Variants in EZR observed in about 807,000 individuals in gnomAD.
The protein encoded by EZR is cytovillin 2.
A neutral mutation model predicts 74.8 loss-of-function variants in EZR; 40 were observed. The observed-to-expected ratio is 0.53, with a 90% CI of 0.42 to 0.70. EZR has a LOEUF of 0.70. EZR is among the 30% of genes least tolerant of loss of function. EZR has a pLI of 0.00. For missense variants in EZR, 678 were observed against 755.8 expected (o/e 0.90, Z 1.21); for synonymous variants, 341 against 283.3 (o/e 1.20, Z -2.05).
At chr6:158,785,824 T>C (rs1791564897) in intron 4 of EZR, among the ~76,000 whole-genome samples, 1 of 151,322 alleles carries the variant, frequency 6.6e-6, no homozygotes. Flanking sequence ...GGCAGGAGGA[T>C]CACTTGAGCC....
intron 8 of EZR, among the ~76,000 whole-genome samples, chr6:158,773,193 T>A (rs1791172500): frequency 6.6e-6 from 1 of 151,816 alleles, no homozygotes; most frequent in South Asian, 2.1e-4. Flanking sequence ...GTTGTGGGGG[T>A]GCATGGGTGG....
chr6:158,811,803 GC>G (rs1311220516), intron 2 of EZR, among the ~76,000 whole-genome samples: 1 of 151,914 alleles, frequency 6.6e-6, no homozygotes, highest in Non-Finnish European at 1.5e-5. Flanking sequence ...GGGGGCCGGG[GC>G]ACTGAGGCTG....
At chr6:158,789,634 CTT>C (rs398066434) in intron 2 of EZR, 41 of 132,148 alleles carry the variant, frequency 3.1e-4, no homozygotes, top group Admixed American at 1.4e-3. Flanking sequence ...TTTCTCTTTT[CTT>C]TGAGACAGGC....
intron 2 of EZR, among the ~76,000 whole-genome samples, chr6:158,801,365 G>C (rs1419214909): frequency 6.6e-6 from 1 of 152,112 alleles, no homozygotes; most frequent in East Asian, 1.9e-4. Context: ...GGGATTACAG[G>C]CATGAGAACC....
intron 7 of EZR, among the ~76,000 whole-genome samples, chr6:158,779,088 TTAAC>T (rs1460627300): frequency 1.3e-5 from 2 of 152,190 alleles, no homozygotes; most frequent in South Asian, 2.1e-4. Flanking sequence ...AGACACCACC[TTAAC>T]TAATAATCAA....
rs371263455 is a variant in EZR, at chr6:158,785,451, C to T, written c.325G>A (p.Gly109Arg). 6.2e-7 allele frequency: 1 copy of T among 1,614,216 alleles called. No individual in the cohort carries two copies. ...CAGTAGATCTCATCGCTAAGGATTC[C>T]TTCCTTCACTTGGAGGAAGAAAAGT... ...QKLFFLQVKEGILSDEIYCPP... is the reference protein window; with the variant it reads ...QKLFFLQVKERILSDEIYCPP... The change falls in exon 5 of 14, where the codon GGA becomes AGA. Residue 109 changes from glycine (G) to arginine (R), a missense_variant. By Grantham distance (125) the Gly-to-Arg change is moderately radical. Around this residue, in one of 3 missense-constraint regions of EZR, gnomAD observed 217 missense variants for 232.2 expected, o/e 0.93. Coordinates refer to ENST00000367075, the MANE Select transcript of EZR (RefSeq NM_001111077.2).
At chr6:158,789,243 G>GTTTTTTT in intron 3 of EZR, 45 bp downstream of exon 3, 1 of 1,435,870 alleles carries the variant, frequency 7.0e-7, no homozygotes, top group Non-Finnish European at 9.7e-7. Context: ...TTGCAAAACA[G>GTTTTTTT]TTTTTTTTTG....
rs761522478 is a variant in EZR, at chr6:158,769,381, A to G, written c.1289T>C (p.Leu430Pro). The G allele has an allele frequency of 1.2e-6, 2 of 1,609,024 alleles. No homozygotes were observed. Among genetic ancestry groups the G allele is most frequent in the Non-Finnish European group, 1.7e-6 (2 of 1,180,010 alleles). Residue 430 changes from leucine to proline, a missense_variant, in exon 12 of 14, where the codon CTC becomes CCC. Around this residue, in one of 3 missense-constraint regions of EZR, gnomAD observed 342 missense variants for 341.2 expected, o/e 1.00. Coordinates refer to ENST00000367075, the MANE Select transcript of EZR (RefSeq NM_001111077.2). ...CTTGCGCCTCCGCGCCTCTTCCAGG[A>G]GGGCAATCTTGGCAGTGTATTCTGC... The part of the protein sequence containing the change: ...ELAEYTAKIA[L>P]LEEARRRKED...
rs951325220 is a variant in EZR at position 158,766,001 on chromosome 6, A to G, written c.*913T>C. 11 of 152,596 alleles carry G rather than the reference A, an allele frequency of 7.2e-5. No homozygotes were observed. The highest frequency in any genetic ancestry group is 2.7e-4 in the African/African-American group (11 of 41,424). 9.5% of individuals were successfully genotyped at this position (152,596 alleles called of 1,614,324 possible). On this transcript the variant is annotated 3_prime_UTR_variant, in exon 14 of 14. Transcript: ENST00000367075. ...GGCATGTGTGAATCTGACAAAATTA[A>G]AAGTGTGCATAGTCCATTACATGCA...
Position 158,818,022 on chromosome 6 carries a change from T to A in EZR, c.12+60A>T, listed in dbSNP as rs369408948. ...GAACTGCCCCAACACCTCGAGCAGG[T>A]GCCTCCCCTCTCCAATGAAGCCTCT... On this transcript the variant is annotated intron_variant, in intron 2 of 13. Transcript: ENST00000367075. 4 of 1,566,928 alleles carry A rather than the reference T, an allele frequency of 2.6e-6. No individual in the cohort carries two copies. In the Admixed American group the frequency reaches 5.2e-5, roughly 20 times the overall value.
At chr6:158,815,927 T>C (rs1366006004) in intron 2 of EZR, among the ~76,000 whole-genome samples, 1 of 152,248 alleles carries the variant, frequency 6.6e-6, no homozygotes, top group Non-Finnish European at 1.5e-5. Flanking sequence ...AAACATCTTT[T>C]AAGTTCTGAT....
chr6:158,817,527 T>C (rs1382843771), intron 2 of EZR, among the ~76,000 whole-genome samples: 4 of 152,254 alleles, frequency 2.6e-5, no homozygotes. Context: ...ACAGAAATTC[T>C]GCTGCAGCCA....
chr6:158,795,161 A>AG (rs1281400836), intron 2 of EZR, among the ~76,000 whole-genome samples: 1 of 152,206 alleles, frequency 6.6e-6, no homozygotes, highest in Non-Finnish European at 1.5e-5. Context: ...CTGAGGAGAG[A>AG]GAATCGCTTG....
intron 6 of EZR, among the ~76,000 whole-genome samples, chr6:158,783,894 C>A (rs1011631862): frequency 6.6e-6 from 1 of 152,232 alleles, no homozygotes; most frequent in East Asian, 1.9e-4. Flanking sequence ...GCCTCACCAC[C>A]AAACCCCACA....
At chr6:158,790,262 A>G (rs188728359) in intron 2 of EZR, among the ~76,000 whole-genome samples, 44 of 152,378 alleles carry the variant, frequency 2.9e-4, no homozygotes, top group African/African-American at 1.0e-3. Context: ...TTTAGACAAG[A>G]CATGAAAATA....
At chr6:158,781,903 G>A (rs1791443195) in intron 7 of EZR, among the ~76,000 whole-genome samples, 3 of 152,074 alleles carry the variant, frequency 2.0e-5, no homozygotes, top group Admixed American at 2.0e-4. Context: ...GAGACCACAG[G>A]CGTGCACCAC....
At chr6:158,769,221 A>G in intron 12 of EZR, 105 bp downstream of exon 12, 1 of 861,176 alleles carries the variant, frequency 1.2e-6, no homozygotes, top group Non-Finnish European at 1.8e-6. Context: ...TGGCAGCTTG[A>G]GCCAGACCTC....
intron 8 of EZR, among the ~76,000 whole-genome samples, chr6:158,775,034 CTT>C (rs397732491): frequency 4.1e-5 from 5 of 121,518 alleles, no homozygotes; most frequent in Admixed American, 9.0e-5. Flanking sequence ...AGCAGGAGCC[CTT>C]TTTTTTTTTT....
chr6:158,812,823 A>C (rs1453427100), intron 2 of EZR, among the ~76,000 whole-genome samples: 1 of 152,064 alleles, frequency 6.6e-6, no homozygotes, highest in Admixed American at 6.5e-5. Flanking sequence ...CAGAAACGAG[A>C]AGTCAGCCTC....
Sources: allele counts gnomAD v4.1 joint callset (sites outside exome capture counted in the v4.1 genomes callset), GRCh38; gene constraint gnomAD v4.1.1; regional missense constraint gnomAD v4.1.1; transcripts MANE v1.5; gene names NCBI Gene and HGNC (gene_info 2026-07-23, HGNC 2026-07-21).